CYP24A1: variants seen among roughly 807,000 people sequenced by gnomAD.
The protein encoded by CYP24A1 is cytochrome P450 family 24 subfamily A member 1, also known as 1,25-dihydroxyvitamin D(3) 24-hydroxylase, mitochondrial.
CYP24A1 carries 68 observed loss-of-function variants against 62.4 expected under a neutral mutation model. That is an observed-to-expected ratio of 1.09 (90% confidence interval 0.90 to 1.33). The LOEUF (loss-of-function observed/expected upper bound fraction) is 1.33, where lower values mean the gene tolerates loss of function less well. Ranked by LOEUF, CYP24A1 falls within the 40% of genes most tolerant of loss-of-function variation. The pLI is 0.00. For synonymous variants in CYP24A1, 267 were observed against 253.0 expected, an observed-to-expected ratio of 1.06 and a Z score of -0.52; for missense variants, 787 against 653.0, an observed-to-expected ratio of 1.21 and a Z score of -2.24.
At chr20:54,162,296 G>A (rs542290845) in intron 7 of CYP24A1, among the ~76,000 whole-genome samples, 25 of 122,430 alleles carry the variant, frequency 2.0e-4, no homozygotes, top group African/African-American at 8.0e-4. Flanking sequence ...GGGGTAACAT[G>A]TGCAACTGAA....
chr20:54,154,939 T>TAAAAAAAAAAAAAAAAAAA (rs61165834), intron 11 of CYP24A1, 178 bp from the exon 12 acceptor site: 3 of 49,854 alleles, frequency 6.0e-5, no homozygotes, highest in African/African-American at 8.1e-5. Flanking sequence ...TTGGTCTTGG[T>TAAAAAAAAAAAAAAAAAAA]AAAAAAAAAA....
Position 54,157,513 on chromosome 20 carries a change from G to A in CYP24A1, c.1309C>T (p.Pro437Ser). The change falls in exon 10 of 12, where the codon CCT becomes TCT. Residue 437 changes from proline to serine, a missense_variant. By Grantham distance (74) the Pro-to-Ser change is moderately conservative (BLOSUM62 -1). Coordinates refer to ENST00000216862, the MANE Select transcript of CYP24A1 (RefSeq NM_000782.5). ...DNFEDSSQFR[P>S]ERWLQEKEKI... Reference sequence around the variant, plus strand: ...TCCTTCTCCTGAAGCCAACGTTCAGGTCTAAACTGACTTGAATCTTCAAAA... The same window carrying A: ...TCCTTCTCCTGAAGCCAACGTTCAGATCTAAACTGACTTGAATCTTCAAAA... 6.2e-7 allele frequency: 1 copy of A among 1,600,034 alleles called. No individual in the cohort carries two copies. The highest frequency in any genetic ancestry group is 8.6e-7 in the Non-Finnish European group (1 of 1,167,160).
In CYP24A1 at chr20:54,173,470, T is replaced by A. The variant is rs1290069353; in HGVS notation, c.110A>T (p.Gln37Leu). The part of the protein sequence containing the change: ...LVTSTAYTSP[Q>L]PREVPVCPLT... ...CGGGCAGACTGGCACCTCTCGCGGC[T>A]GAGGGGACGTGTACGCCGTAGATGT... Residue 37 changes from glutamine (Q) to leucine (L), a missense_variant, in exon 1 of 12, where the codon CAG becomes CTG. Coordinates refer to ENST00000216862, the MANE Select transcript of CYP24A1 (RefSeq NM_000782.5). This position sits in a 1 kb window ranked among gnomAD's most constrained non-coding sequence, Gnocchi z 7.2. 1.7e-5 allele frequency: 26 copies of A among 1,565,742 alleles called. No homozygotes were observed. The highest frequency in any genetic ancestry group is 1.9e-5 in the Non-Finnish European group (22 of 1,155,612).
chr20:54,171,742 G>C (rs562955395), intron 2 of CYP24A1, 72 bp from the exon 3 acceptor site: 1 of 1,612,792 alleles, frequency 6.2e-7, no homozygotes, highest in East Asian at 2.2e-5. Context: ...TACTCCAGCT[G>C]CAACTTCAGG....
intron 9 of CYP24A1, among the ~76,000 whole-genome samples, chr20:54,157,883 A>G (rs1462194045): frequency 6.6e-6 from 1 of 152,236 alleles, no homozygotes; most frequent in Non-Finnish European, 1.5e-5. Flanking sequence ...CAACACAGAT[A>G]AAAGATGAAA....
At chr20:54,161,566 A>G (rs2092650467) in intron 7 of CYP24A1, among the ~76,000 whole-genome samples, 1 of 151,960 alleles carries the variant, frequency 6.6e-6, no homozygotes, top group Non-Finnish European at 1.5e-5. Flanking sequence ...CATTTATTCA[A>G]CAAGTATCTA....
intron 7 of CYP24A1, among the ~76,000 whole-genome samples, chr20:54,159,824 A>G (rs1253921977): frequency 6.6e-6 from 1 of 152,246 alleles, no homozygotes; most frequent in Non-Finnish European, 1.5e-5. Flanking sequence ...ACAGGACATT[A>G]CTATTAGTGG....
intron 4 of CYP24A1, among the ~76,000 whole-genome samples, chr20:54,169,301 A>G (rs1312704160): frequency 8.5e-5 from 13 of 152,192 alleles, no homozygotes; most frequent in Admixed American, 8.5e-4. Flanking sequence ...TGTCTAGCAT[A>G]TAAGCTCCCC....
rs745661961 is a variant in CYP24A1, at chr20:54,173,021, A to G, written c.337T>C (p.Cys113Arg). The G allele has an allele frequency of 3.7e-6, 6 of 1,610,798 alleles. No homozygotes were observed. Among genetic ancestry groups the G allele is most frequent in the Non-Finnish European group, 4.2e-6 (5 of 1,180,034 alleles). The change falls in exon 2 of 12, where the codon TGC becomes CGC. Residue 113 changes from cysteine to arginine, a missense_variant. By Grantham distance (180) the Cys-to-Arg change is radical. Transcript: ENST00000216862. The surrounding 1 kb of genome is among the most constrained non-coding windows in gnomAD (Gnocchi z 7.2). The stretch of plus-strand genomic sequence containing the variant: ...GTGCGGTACAGCGCTTCCAGCAGGC[A>G]TGGCGAGCCCAGGTGCACCGACTCA... ...SFESVHLGSP[C>R]LLEALYRTES...
At chr20:54,167,506 G>A (rs1010369137) in intron 4 of CYP24A1, among the ~76,000 whole-genome samples, 7 of 152,046 alleles carry the variant, frequency 4.6e-5, no homozygotes, top group African/African-American at 1.2e-4. Flanking sequence ...GCGTGGTATC[G>A]CACGCCTGCA....
At chr20:54,158,036 G>A (rs1209866311) in intron 9 of CYP24A1, 50 bp downstream of exon 9, 4 of 1,608,470 alleles carry the variant, frequency 2.5e-6, no homozygotes, top group Non-Finnish European at 3.4e-6. Flanking sequence ...TATTTGCAAA[G>A]TGTATCTTCC....
At chr20:54,152,233 C>T (rs959614186), downstream of CYP24A1, among the ~76,000 whole-genome samples, 1 of 152,236 alleles carries the variant, frequency 6.6e-6, no homozygotes, top group Admixed American at 6.5e-5. Context: ...CATGTAAAGT[C>T]TAGAAGTATC....
chr20:54,143,883 T>C, the CYP24A1 span, among the ~76,000 whole-genome samples: 2 of 152,256 alleles, frequency 1.3e-5, no homozygotes, highest in South Asian at 2.1e-4. Context: ...ATAGATGTTT[T>C]AAAAAATCGT....
chr20:54,164,620 T>A lies in CYP24A1; in HGVS notation c.733-57A>T, dbSNP rs553158308. On this transcript the variant is annotated intron_variant, in intron 5 of 11. Coordinates refer to ENST00000216862, the MANE Select transcript of CYP24A1 (RefSeq NM_000782.5). ...AATTCTCCTTCTCTCAAAGACAATGTTCGTTCTGGAAGAGGAACATTCTAA... is the reference window on the plus strand; with the variant it reads ...AATTCTCCTTCTCTCAAAGACAATGATCGTTCTGGAAGAGGAACATTCTAA... The A allele has an allele frequency of 2.5e-6, 4 of 1,613,240 alleles. No homozygotes were observed. The South Asian group carries it at 4.4e-5, about 18-fold the overall frequency.
chr20:54,156,065 A>G (rs1267539337), intron 11 of CYP24A1, among the ~76,000 whole-genome samples: 3 of 152,220 alleles, frequency 2.0e-5, no homozygotes, highest in Non-Finnish European at 4.4e-5. Context: ...ATTGTGTTCA[A>G]TACAGGCTGA....
Position 54,173,358 on chromosome 20 carries a change from G to C in CYP24A1, c.222C>G (p.Leu74=), listed in dbSNP as rs1275077395. The C allele has an allele frequency of 6.2e-7, 1 of 1,606,026 alleles. No individual in the cohort carries two copies. Among genetic ancestry groups the C allele is most frequent in the Non-Finnish European group, 8.5e-7 (1 of 1,175,674 alleles). ...GCTGTTTCTTGAGACCCCCTTTCCA[G>C]AGAATCTGCAGCAGGCTGCCCAGCA... The part of the protein sequence containing the change: ...WPLLGSLLQI[L]WKGGLKKQHD... The change falls in exon 1 of 12, where the codon CTC becomes CTG. Residue 74 remains leucine (L), a synonymous_variant. Coordinates refer to ENST00000216862, the MANE Select transcript of CYP24A1 (RefSeq NM_000782.5). This position sits in a 1 kb window ranked among gnomAD's most constrained non-coding sequence, Gnocchi z 7.2.
chr20:54,143,697 G>C, the CYP24A1 span, among the ~76,000 whole-genome samples: 1 of 151,008 alleles, frequency 6.6e-6, no homozygotes, highest in South Asian at 2.1e-4. Context: ...GGATTAAAAA[G>C]AAGGATAAAC....
At chr20:54,162,543 CATA>C in intron 7 of CYP24A1, 171 bp downstream of exon 7, 4 of 593,614 alleles carry the variant, frequency 6.7e-6, no homozygotes, top group Non-Finnish European at 9.1e-6. Context: ...GGCACCGTGG[CATA>C]GATGCTGTGC....
At chr20:54,148,985 A>G (rs2092608623), downstream of CYP24A1, among the ~76,000 whole-genome samples, 1 of 152,112 alleles carries the variant, frequency 6.6e-6, no homozygotes, top group African/African-American at 2.4e-5. Context: ...TGATTATTTG[A>G]TTGACATTTC....
Sources: allele counts gnomAD v4.1 joint callset (sites outside exome capture counted in the v4.1 genomes callset), GRCh38; gene constraint gnomAD v4.1.1; non-coding constraint Gnocchi (gnomAD v3.1); transcripts MANE v1.5; gene names NCBI Gene and HGNC (gene_info 2026-07-23, HGNC 2026-07-21).